ADPRHL1: variants seen among roughly 807,000 people sequenced by gnomAD.
The protein encoded by ADPRHL1 is ADP-ribosylhydrolase like 1.
Under a neutral mutation model 44.1 loss-of-function variants are expected in ADPRHL1, and 43 were observed. That is an observed-to-expected ratio of 0.98 (90% CI 0.76 to 1.26). ADPRHL1 has a LOEUF of 1.26. ADPRHL1 is among the 50% of genes most tolerant of loss of function. ADPRHL1 has a pLI of 0.00. For missense variants in ADPRHL1, 2,022 were observed against 2,496.9 expected, an observed-to-expected ratio of 0.81 and a Z score of 4.05; for synonymous variants, 878 against 1,017.4, an observed-to-expected ratio of 0.86 and a Z score of 2.61.
At position 113,405,558 on chromosome 13, in the gene ADPRHL1, C is replaced by G. The variant is rs1262453742; in HGVS notation, c.3724G>C (p.Val1242Leu). The change falls in exon 8 of 8, where the codon GTA becomes CTA. Residue 1242 changes from valine to leucine, a missense_variant. Val to Leu is a conservative substitution (Grantham distance 32). Coordinates refer to ENST00000612156, the MANE Select transcript of ADPRHL1 (RefSeq NM_001394807.1). ...TSAASRHTAA[V>L]GGRKDVAVEG... ...ACAGCCACATCCTTTCTGCCTCCTA[C>G]AGCTGCTGTATGTCTGCTGGCTGCT... is the stretch of plus-strand genomic sequence containing the variant. The G allele has an allele frequency of 8.1e-7, 1 of 1,232,162 alleles. No homozygotes were observed. The highest frequency in any genetic ancestry group is 1.6e-5 in the African/African-American group (1 of 64,446). 76.3% of individuals were successfully genotyped at this position (1,232,162 alleles called of 1,614,324 possible).
Position 113,422,966 on chromosome 13 carries a change from G to A in ADPRHL1, c.921C>T (p.Ala307=), listed in dbSNP as rs2043937532. 6.2e-7 allele frequency: 1 copy of A among 1,612,762 alleles called. No homozygotes were observed. Among genetic ancestry groups the A allele is most frequent in the Non-Finnish European group, 8.5e-7 (1 of 1,179,982 alleles). ...ACAGGCAGCCTGCAATGGTGCCCGT[G>A]GCCGCGCTCTCCCCTGAAACGCAAA... is the stretch of plus-strand genomic sequence containing the variant. ...RAMFHGGESA[A]TGTIAGCLFG... is the part of the protein sequence containing the mutation. The change falls in exon 7 of 8, where the codon GCC becomes GCT. Residue 307 remains alanine, a synonymous_variant. Coordinates refer to ENST00000612156, the MANE Select transcript of ADPRHL1 (RefSeq NM_001394807.1).
Position 113,453,355 on chromosome 13 carries a change from G to T in ADPRHL1, c.83C>A (p.Thr28Asn). Residue 28 changes from threonine to asparagine, a missense_variant, in exon 1 of 8, where the codon ACT becomes AAT. Physicochemically the swap from Thr to Asn is moderately conservative, Grantham distance 65. Coordinates refer to ENST00000612156, the MANE Select transcript of ADPRHL1 (RefSeq NM_001394807.1). This position sits in a 1 kb window ranked among gnomAD's most constrained non-coding sequence, Gnocchi z 5.4. ...CTCCTCCTGGATCTTCATGCCTACA[G>T]TGCTGTTCTCCTTGCAGACATTTCT... ...GYRNVCKENS[T>N]VGMKIQEELQ... 1 of 1,614,216 alleles carries T rather than the reference G, an allele frequency of 6.2e-7. No individual in the cohort carries two copies. Among genetic ancestry groups the T allele is most frequent in the Non-Finnish European group, 8.5e-7 (1 of 1,180,038 alleles).
chr13:113,449,202 G>C lies in ADPRHL1; in HGVS notation c.214+4022C>G, dbSNP rs1041290265. ...CCAGTCAGAGAGGCTCACCCGGAAGGAGGCAGCCCCAGTCAGAGAGGCTCA... is the reference window on the plus strand; with the variant it reads ...CCAGTCAGAGAGGCTCACCCGGAAGCAGGCAGCCCCAGTCAGAGAGGCTCA... On this transcript the variant is annotated intron_variant, in intron 1 of 7. Coordinates refer to ENST00000612156, the MANE Select transcript of ADPRHL1 (RefSeq NM_001394807.1). 6.8e-6 allele frequency: 7 copies of C among 1,028,940 alleles called. No homozygotes were observed. The African/African-American group carries it at 1.0e-4, about 15-fold the overall frequency. The allele number at this position is 1,028,940 out of a possible 1,614,324, so 63.7% of individuals were successfully genotyped here.
intron 2 of ADPRHL1, 64 bp downstream of exon 2, chr13:113,444,361 A>C: frequency 6.4e-7 from 1 of 1,564,434 alleles, no homozygotes. Flanking sequence ...TGGAAGGCAG[A>C]TGGTTAGGAC....
chr13:113,418,090 G>A (rs2043895740), intron 7 of ADPRHL1, among the ~76,000 whole-genome samples: 1 of 152,170 alleles, frequency 6.6e-6, no homozygotes, highest in African/African-American at 2.4e-5. Context: ...TTAGGGGAAG[G>A]GGAGAAGGCT....
Position 113,406,054 on chromosome 13 carries a change from C to G in ADPRHL1, c.3228G>C (p.Glu1076Asp). 8.1e-7 allele frequency: 1 copy of G among 1,232,190 alleles called. No individual in the cohort carries two copies. The highest frequency in any genetic ancestry group is 1.5e-5 in the African/African-American group (1 of 64,556). The allele number at this position is 1,232,190 out of a possible 1,614,324, so 76.3% of individuals were successfully genotyped here. The change falls in exon 8 of 8, where the codon GAG becomes GAC. Residue 1076 changes from glutamate to aspartate, a missense_variant. By Grantham distance (45) the Glu-to-Asp change is conservative (BLOSUM62 2). This residue lies in a region of ADPRHL1 where 1,221 missense variants were observed against 1,517.8 expected (regional missense o/e 0.80). Transcript: ENST00000612156. ...LEECRRPLLIESSQPLKAAEE... is the reference protein window; with the variant it reads ...LEECRRPLLIDSSQPLKAAEE... The stretch of plus-strand genomic sequence containing the variant: ...CGGCAGCCTTCAGGGGCTGAGAAGA[C>G]TCTATTAGCAGCGGCCTTCTGCATT...
At position 113,410,396 on chromosome 13, in the gene ADPRHL1, C is replaced by T. The variant is rs1193003573; in HGVS notation, c.1062-2176G>A. ...GCATTTTAACGAGTCCCTGGTGATT[C>T]CGAGGCCGCTGGTCCGGGGACCCCA... On this transcript the variant is annotated intron_variant, in intron 7 of 7. Coordinates refer to ENST00000612156, the MANE Select transcript of ADPRHL1 (RefSeq NM_001394807.1). Among the ~76,000 whole-genome samples the T allele has an allele frequency of 4.6e-5, 7 of 152,150 alleles. No individual in the cohort carries two copies. In the East Asian group the frequency reaches 1.3e-3, roughly 29 times the overall value.
intron 2 of ADPRHL1, among the ~76,000 whole-genome samples, chr13:113,443,380 G>A (rs2044112477): frequency 6.6e-6 from 1 of 151,942 alleles, no homozygotes; most frequent in Non-Finnish European, 1.5e-5. Flanking sequence ...GACTGAGGTG[G>A]GCAGATCGCT....
chr13:113,432,259 T>G (rs1356714100), intron 3 of ADPRHL1, among the ~76,000 whole-genome samples: 2 of 151,888 alleles, frequency 1.3e-5, no homozygotes, highest in African/African-American at 4.8e-5. Flanking sequence ...GAAACACAGG[T>G]GCGTGCCGTC....
chr13:113,431,145 G>C (rs891057485), intron 3 of ADPRHL1, among the ~76,000 whole-genome samples: 2 of 152,256 alleles, frequency 1.3e-5, no homozygotes, highest in Non-Finnish European at 2.9e-5. Context: ...CCAGAGGCAG[G>C]CTCTGCGGTG....
At position 113,449,549 on chromosome 13, in the gene ADPRHL1, G is replaced by A. The variant is rs145490091; in HGVS notation, c.214+3675C>T. On this transcript the variant is annotated intron_variant, in intron 1 of 7. Transcript: ENST00000612156. ...GGCTCACCCGGAAGGAGGGAGCCCCGTTCAGAGAGACACACCCGGAAGGAG... is the reference window on the plus strand; with the variant it reads ...GGCTCACCCGGAAGGAGGGAGCCCCATTCAGAGAGACACACCCGGAAGGAG... 7.0e-3 allele frequency among the ~76,000 whole-genome samples: 1,046 copies of A among 149,790 alleles called. 6 individuals carry two copies. Among genetic ancestry groups the A allele is most frequent in the Non-Finnish European group, 0.012 (804 of 67,362 alleles).
Position 113,411,595 on chromosome 13 carries a change from G to T in ADPRHL1, c.1062-3375C>A, listed in dbSNP as rs574405007. ...AGCTGTCACAGCCGGCTTTCACCCC[G>T]CAGCGTGATCATCTGAGACACGTTT... On this transcript the variant is annotated intron_variant, in intron 7 of 7. Transcript: ENST00000612156. Among the ~76,000 whole-genome samples, 5 of 152,286 alleles carry T rather than the reference G, an allele frequency of 3.3e-5. No individual in the cohort carries two copies. In the East Asian group the frequency reaches 9.7e-4, roughly 29 times the overall value.
intron 1 of ADPRHL1, among the ~76,000 whole-genome samples, chr13:113,450,852 G>C (rs542127543): frequency 6.6e-6 from 1 of 152,080 alleles, no homozygotes; most frequent in Non-Finnish European, 1.5e-5. Context: ...ACAGGGAGAC[G>C]GTTAGGCCTC....
chr13:113,418,124 G>A (rs1413794043), intron 7 of ADPRHL1, among the ~76,000 whole-genome samples: 4 of 152,116 alleles, frequency 2.6e-5, no homozygotes, highest in South Asian at 2.1e-4. Flanking sequence ...CGGATGCGTC[G>A]GGTTTAAAAG....
intron 7 of ADPRHL1, chr13:113,422,583 G>A (rs1595543509): frequency 1.4e-5 from 8 of 552,974 alleles, no homozygotes; most frequent in South Asian, 1.4e-4. Flanking sequence ...GTCCAAGTGC[G>A]GCAAATCTAC....
At chr13:113,414,283 C>T (rs2043875751) in intron 7 of ADPRHL1, among the ~76,000 whole-genome samples, 1 of 152,216 alleles carries the variant, frequency 6.6e-6, no homozygotes, top group East Asian at 1.9e-4. Flanking sequence ...ACTTGGATGC[C>T]CTCGGCCAAC....
chr13:113,408,505 T>C (rs2043825753), intron 7 of ADPRHL1, among the ~76,000 whole-genome samples: 1 of 152,190 alleles, frequency 6.6e-6, no homozygotes, highest in South Asian at 2.1e-4. Context: ...CATTGAACAG[T>C]TTAGTGAAAG....
intron 3 of ADPRHL1, among the ~76,000 whole-genome samples, chr13:113,432,007 C>T (rs771541128): frequency 7.2e-5 from 11 of 151,972 alleles, no homozygotes; most frequent in Non-Finnish European, 1.3e-4. Flanking sequence ...CGTGAGCCAC[C>T]GCGCCTGGCC....
In ADPRHL1 at chr13:113,409,332, A is replaced by C. The variant is rs1595537335; in HGVS notation, c.1062-1112T>G. ...CCAGATGATAATTTTGGGTAGACGCACCCAGAATCTTAGCTGTCACACCTG... is the reference window on the plus strand; with the variant it reads ...CCAGATGATAATTTTGGGTAGACGCCCCCAGAATCTTAGCTGTCACACCTG... On this transcript the variant is annotated intron_variant, in intron 7 of 7. Coordinates refer to ENST00000612156, the MANE Select transcript of ADPRHL1 (RefSeq NM_001394807.1). This position sits in a 1 kb window ranked among gnomAD's most constrained non-coding sequence, Gnocchi z 4.2. 1.0e-6 allele frequency: 1 copy of C among 985,406 alleles called. No homozygotes were observed. Among genetic ancestry groups the C allele is most frequent in the East Asian group, 1.1e-4 (1 of 8,806 alleles). 61.0% of individuals were successfully genotyped at this position (985,406 alleles called of 1,614,324 possible).
Sources: gnomAD v4.1 joint callset for allele counts (sites outside exome capture counted in the v4.1 genomes callset) on GRCh38, gnomAD v4.1.1 for gene constraint, gnomAD v4.1.1 regional missense constraint, Gnocchi (gnomAD v3.1) non-coding constraint, MANE v1.5 for transcripts, NCBI Gene and HGNC (gene_info 2026-07-23, HGNC 2026-07-21) for gene names.